The following RAB11FIP3 variants were observed in gnomAD, a reference collection of about 807,000 sequenced individuals.
RAB11FIP3 encodes the protein RAB11 family interacting protein 3.
RAB11FIP3 carries 17 observed loss-of-function variants against 77.8 expected under a neutral mutation model. The observed-to-expected ratio is 0.22, with a 90% CI of 0.15 to 0.33. The LOEUF (loss-of-function observed/expected upper bound fraction) is 0.33. RAB11FIP3 is among the 10% of genes least tolerant of loss of function. RAB11FIP3 has a pLI of 1.00. For missense variants in RAB11FIP3, 1,005 were observed against 1,011.2 expected, an observed-to-expected ratio of 0.99 and a Z score of 0.08; for synonymous variants, 437 against 448.2, an observed-to-expected ratio of 0.98 and a Z score of 0.31.
Position 461,374 on chromosome 16 carries a change from G to A in RAB11FIP3, c.715-30G>A. The A allele has an allele frequency of 6.3e-7, 1 of 1,595,708 alleles. No individual in the cohort carries two copies. The highest frequency in any genetic ancestry group is 8.6e-7 in the Non-Finnish European group (1 of 1,164,892). On this transcript the variant is annotated intron_variant, in intron 1 of 13. Coordinates refer to ENST00000262305, the MANE Select transcript of RAB11FIP3 (RefSeq NM_014700.4). This position sits in a 1 kb window ranked among gnomAD's most constrained non-coding sequence, Gnocchi z 4.5. ...TGGGGACCCCTGCTGTAAAGGCTTA[G>A]GGTAACCTAGTCTCATTTGGCAATT... is the stretch of plus-strand genomic sequence containing the variant.
At chr16:470,838 C>T (rs1335103960) in intron 2 of RAB11FIP3, among the ~76,000 whole-genome samples, 1 of 152,138 alleles carries the variant, frequency 6.6e-6, no homozygotes. Flanking sequence ...GTGAACCCAG[C>T]ACCCAGGAAA....
Position 518,968 on chromosome 16 carries a change from A to T in RAB11FIP3, c.1666A>T (p.Ser556Cys), listed in dbSNP as rs2032543839. The stretch of plus-strand genomic sequence containing the variant: ...GCTACAGCAACTGGACGAGGAGAAC[A>T]GTGAACTCCGGTCCTGCACGCCCTG... ...TRLQQLDEENSELRSCTPCLK... is the reference protein window; with the variant it reads ...TRLQQLDEENCELRSCTPCLK... Residue 556 changes from serine (S) to cysteine (C), a missense_variant, in exon 10 of 14, where the codon AGT (serine) becomes TGT (cysteine). Coordinates refer to ENST00000262305, the MANE Select transcript of RAB11FIP3 (RefSeq NM_014700.4). The T allele has an allele frequency of 1.2e-6, 2 of 1,613,738 alleles. No homozygotes were observed.
Position 425,718 on chromosome 16 carries a change from G to C in RAB11FIP3, c.-289G>C. On this transcript the variant is annotated 5_prime_UTR_variant, in exon 1 of 14. Coordinates refer to ENST00000262305, the MANE Select transcript of RAB11FIP3 (RefSeq NM_014700.4). The stretch of plus-strand genomic sequence containing the variant: ...CCGGCCTCCTCGGCCCCCGTCCCCC[G>C]GCCTCCTCGGCCCCCGTCCCCCGCC... 3.7e-6 allele frequency: 1 copy of C among 272,250 alleles called. No individual in the cohort carries two copies. The highest frequency in any genetic ancestry group is 6.8e-6 in the Non-Finnish European group (1 of 146,684). The allele number at this position is 272,250 out of a possible 1,614,324, so 16.9% of individuals were successfully genotyped here. A position where few individuals can be genotyped will look rare whatever the true frequency, so the allele number is the denominator to read the frequency against.
intron 9 of RAB11FIP3, among the ~76,000 whole-genome samples, chr16:512,679 G>A (rs952107205): frequency 6.6e-6 from 1 of 151,574 alleles, no homozygotes; most frequent in African/African-American, 2.4e-5. Context: ...TGGTAGCTGG[G>A]GCTAGAGGCT....
chr16:453,258 T>TAG (rs1014309488), intron 1 of RAB11FIP3: 2 of 151,592 alleles, frequency 1.3e-5, no homozygotes, highest in African/African-American at 4.9e-5. Context: ...GTATTTTTAG[T>TAG]AGAGACAGGG....
At chr16:429,952 C>A (rs1483403134) in intron 1 of RAB11FIP3, among the ~76,000 whole-genome samples, 3 of 151,874 alleles carry the variant, frequency 2.0e-5, no homozygotes, top group Non-Finnish European at 4.4e-5. Context: ...CTTTTGTGTC[C>A]CTGTTTCTTT....
chr16:461,409 G>A lies in RAB11FIP3; in HGVS notation c.720G>A (p.Lys240=), dbSNP rs781662915. 3 of 1,613,616 alleles carry A rather than the reference G, an allele frequency of 1.9e-6. No individual in the cohort carries two copies. The highest frequency in any genetic ancestry group is 1.1e-5 in the South Asian group (1 of 91,020). The change falls in exon 2 of 14, where the codon AAG becomes AAA. Residue 240 remains lysine, a synonymous_variant. Coordinates refer to ENST00000262305, the MANE Select transcript of RAB11FIP3 (RefSeq NM_014700.4). The surrounding 1 kb of genome is among the most constrained non-coding windows in gnomAD (Gnocchi z 4.5). Reference sequence around the variant, plus strand: ...GTCTCATTTGGCAATTACAGGTGAAGGACTTAACTAAGTACTTGGATCCCA... The same window carrying A: ...GTCTCATTTGGCAATTACAGGTGAAAGACTTAACTAAGTACTTGGATCCCA... ...FATVYGAEQV[K]DLTKYLDPSG...
intron 8 of RAB11FIP3, among the ~76,000 whole-genome samples, chr16:509,752 C>G (rs530256528): frequency 6.7e-6 from 1 of 149,234 alleles, no homozygotes; most frequent in African/African-American, 2.5e-5. Flanking sequence ...CAGAGTGGGC[C>G]CCCCCCCCAC....
intron 5 of RAB11FIP3, among the ~76,000 whole-genome samples, chr16:493,321 C>G (rs984744473): frequency 2.0e-5 from 3 of 151,734 alleles, no homozygotes; most frequent in African/African-American, 7.3e-5. Flanking sequence ...AATCAGGACA[C>G]ACAACTGCCA....
Position 472,855 on chromosome 16 carries a change from G to A in RAB11FIP3, c.903+1466G>A, listed in dbSNP as rs1246324268. Among the ~76,000 whole-genome samples, 2 of 152,178 alleles carry A rather than the reference G, an allele frequency of 1.3e-5. No individual in the cohort carries two copies. Among genetic ancestry groups the A allele is most frequent in the African/African-American group, 4.8e-5 (2 of 41,444 alleles). ...ATTAAGGATCTCAAGGTGATATCATGCTGGTTTGGGCCCTAAATCCAGTGA... is the reference window on the plus strand; with the variant it reads ...ATTAAGGATCTCAAGGTGATATCATACTGGTTTGGGCCCTAAATCCAGTGA... On this transcript the variant is annotated intron_variant, in intron 3 of 13. Transcript: ENST00000262305. The surrounding 1 kb of genome is among the most constrained non-coding windows in gnomAD (Gnocchi z 4.1).
intron 9 of RAB11FIP3, among the ~76,000 whole-genome samples, chr16:516,670 A>G (rs2032430967): frequency 1.3e-5 from 2 of 152,172 alleles, no homozygotes; most frequent in African/African-American, 4.8e-5. Flanking sequence ...TGAGGTCAGG[A>G]GTTCCAGACC....
intron 1 of RAB11FIP3, among the ~76,000 whole-genome samples, chr16:432,430 G>C (rs1221203025): frequency 6.6e-6 from 1 of 151,762 alleles, no homozygotes; most frequent in Non-Finnish European, 1.5e-5. Flanking sequence ...GATAAAATAA[G>C]AAAAATAAGG....
intron 6 of RAB11FIP3, 127 bp downstream of exon 6, chr16:496,986 G>A: frequency 9.6e-7 from 1 of 1,045,568 alleles, no homozygotes; most frequent in Non-Finnish European, 1.4e-6. Flanking sequence ...TACTTTACAT[G>A]GTTTGGGGCT....
chr16:477,702 C>G (rs973166983), intron 3 of RAB11FIP3: 9 of 982,002 alleles, frequency 9.2e-6, no homozygotes, highest in Non-Finnish European at 1.1e-5. Flanking sequence ...TCTCCTGGTT[C>G]TGGATGTTAC....
Position 519,193 on chromosome 16 carries a change from A to T in RAB11FIP3, c.1722+169A>T, listed in dbSNP as rs145573850. ...GCTGGAAGACACTGGACCGTGCTCC[A>T]CCCACAGGAGCAGGGCCCAGAGGCT... On this transcript the variant is annotated intron_variant, in intron 10 of 13. Transcript: ENST00000262305. The T allele has an allele frequency of 3.4e-4, 224 of 663,802 alleles. 1 individual carries two copies. The African/African-American group carries it at 3.8e-3, about 11-fold the overall frequency. 41.1% of individuals were successfully genotyped at this position (663,802 alleles called of 1,614,324 possible).
At chr16:487,573 C>A (rs2056182476) in intron 4 of RAB11FIP3, among the ~76,000 whole-genome samples, 1 of 152,222 alleles carries the variant, frequency 6.6e-6, no homozygotes. Flanking sequence ...GTCCTCCTGA[C>A]TCTGCCCCCT....
intron 1 of RAB11FIP3, among the ~76,000 whole-genome samples, chr16:440,384 G>A (rs1475082285): frequency 6.6e-6 from 1 of 152,096 alleles, no homozygotes; most frequent in Non-Finnish European, 1.5e-5. Flanking sequence ...GCCCACCTTG[G>A]CCTTCCAAAG....
intron 3 of RAB11FIP3, among the ~76,000 whole-genome samples, chr16:473,120 C>T (rs7205963): frequency 0.12 from 18,824 of 152,104 alleles, 1,462 homozygotes; most frequent in African/African-American, 0.21. Context: ...TGTGCTAGTT[C>T]GTTATGGCAG....
intron 1 of RAB11FIP3, among the ~76,000 whole-genome samples, chr16:457,644 T>C (rs1172428199): frequency 6.6e-6 from 1 of 152,206 alleles, no homozygotes; most frequent in African/African-American, 2.4e-5. Flanking sequence ...AAATGGAGTT[T>C]TAAAAATGTA....
Sources: gnomAD v4.1 joint callset for allele counts (sites outside exome capture counted in the v4.1 genomes callset) on GRCh38, gnomAD v4.1.1 for gene constraint, Gnocchi (gnomAD v3.1) non-coding constraint, MANE v1.5 for transcripts, NCBI Gene and HGNC (gene_info 2026-07-23, HGNC 2026-07-21) for gene names.